PANK3: variants seen among roughly 807,000 people sequenced by gnomAD.
The protein encoded by PANK3 is hPanK3.
In PANK3, 20 loss-of-function variants were observed where a neutral mutation model predicts 39.4. That is an observed-to-expected ratio of 0.51 (90% CI 0.36 to 0.74). The LOEUF is 0.74. Ranked by LOEUF, PANK3 falls within the 30% of genes least tolerant of loss-of-function variation. The pLI, the probability that PANK3 is intolerant of heterozygous loss-of-function variation, is 0.00. For missense variants in PANK3, 265 were observed against 437.0 expected (o/e 0.61, Z 3.51); for synonymous variants, 140 against 157.3 (o/e 0.89, Z 0.82).
In PANK3 at chr5:168,556,841, T is replaced by G. The variant is rs1759356357; in HGVS notation, c.*730A>C. ...AGTCCCAGGACTTCATTAGACAGAC[T>G]CCCAGTAATTAAGCCTCCAATCTTA... On this transcript the variant is annotated 3_prime_UTR_variant, in exon 7 of 7. Transcript: ENST00000239231. The G allele has an allele frequency of 6.6e-6, 1 of 152,616 alleles. No homozygotes were observed. Among genetic ancestry groups the G allele is most frequent in the Admixed American group, 6.5e-5 (1 of 15,270 alleles). 9.5% of individuals were successfully genotyped at this position (152,616 alleles called of 1,614,324 possible). A position where few individuals can be genotyped will look rare whatever the true frequency, so the allele number is the denominator to read the frequency against.
In PANK3 at chr5:168,548,927, T is replaced by C. The variant is rs1322818331; in HGVS notation, c.*8644A>G. On this transcript the variant is annotated 3_prime_UTR_variant, in exon 7 of 7. Transcript: ENST00000239231. ...TAAAGCTTAGACTTGACAAGAATGA[T>C]GTAATAGAATGAGGCAACTGAAACT... 6.6e-6 allele frequency: 1 copy of C among 152,176 alleles called. No homozygotes were observed. The highest frequency in any genetic ancestry group is 1.5e-5 in the Non-Finnish European group (1 of 68,008). The allele number at this position is 152,176 out of a possible 1,614,324, so 9.4% of individuals were successfully genotyped here.
Position 168,550,564 on chromosome 5 carries a change from A to T in PANK3, c.*7007T>A, listed in dbSNP as rs1486776078. Reference sequence around the variant, plus strand: ...TTTCATATTACTTTAAGGTATATCTACCTGGCCATTACAGGCAATCACATA... The same window carrying T: ...TTTCATATTACTTTAAGGTATATCTTCCTGGCCATTACAGGCAATCACATA... On this transcript the variant is annotated 3_prime_UTR_variant, in exon 7 of 7. Transcript: ENST00000239231. The T allele has an allele frequency of 6.6e-6, 1 of 152,220 alleles. No homozygotes were observed. The highest frequency in any genetic ancestry group is 1.5e-5 in the Non-Finnish European group (1 of 68,022). The allele number at this position is 152,220 out of a possible 1,614,324, so 9.4% of individuals were successfully genotyped here.
rs532279784 is a variant in PANK3, at chr5:168,577,006, G to A, written c.28+2250C>T. 7.0e-4 allele frequency among the ~76,000 whole-genome samples: 106 copies of A among 151,950 alleles called. 2 individuals are homozygous for A. The highest frequency in any genetic ancestry group is 2.4e-3 in the African/African-American group (100 of 41,432). On this transcript the variant is annotated intron_variant, in intron 1 of 6. Coordinates refer to ENST00000239231, the MANE Select transcript of PANK3 (RefSeq NM_024594.4). ...GCAATTCTCCTGCCTCAAGCCTCCC[G>A]AACAGCTTGGACTACAGGCGCGTGC...
At chr5:168,559,216 G>A in intron 5 of PANK3, 59 bp from the exon 6 acceptor site, 1 of 1,123,870 alleles carries the variant, frequency 8.9e-7, no homozygotes, top group Non-Finnish European at 1.2e-6. Flanking sequence ...AATATAAAAG[G>A]TTTCTAAATA....
intron 3 of PANK3, 141 bp downstream of exon 3, chr5:168,565,872 T>G (rs865900696): frequency 6.4e-6 from 1 of 155,186 alleles, no homozygotes; most frequent in African/African-American, 3.3e-5. Context: ...AAAAAAAATA[T>G]ATATATATAT....
intron 4 of PANK3, among the ~76,000 whole-genome samples, chr5:168,563,688 A>G (rs913968459): frequency 2.0e-5 from 3 of 152,178 alleles, no homozygotes; most frequent in Non-Finnish European, 2.9e-5. Context: ...TTAAAAAAAA[A>G]AAAGTTTCTT....
At chr5:168,574,141 A>C (rs920999631) in intron 1 of PANK3, among the ~76,000 whole-genome samples, 7 of 150,500 alleles carry the variant, frequency 4.7e-5, no homozygotes, top group South Asian at 4.3e-4. Flanking sequence ...CCAACAGTGT[A>C]AAAGTGTTCC....
In PANK3 at chr5:168,556,142, A is replaced by T. The variant is rs950638142; in HGVS notation, c.*1429T>A. ...AAGGCAGAGGGCTCAACCCCACTCC[A>T]GATTCAGGCAAGGGGAATAGGAAAG... is the stretch of plus-strand genomic sequence containing the variant. On this transcript the variant is annotated 3_prime_UTR_variant, in exon 7 of 7. Transcript: ENST00000239231. 6.6e-6 allele frequency: 1 copy of T among 152,244 alleles called. No individual in the cohort carries two copies. Among genetic ancestry groups the T allele is most frequent in the Non-Finnish European group, 1.5e-5 (1 of 68,056 alleles). 9.4% of individuals were successfully genotyped at this position (152,244 alleles called of 1,614,324 possible).
At chr5:168,574,840 G>A (rs916126002) in intron 1 of PANK3, among the ~76,000 whole-genome samples, 2 of 151,886 alleles carry the variant, frequency 1.3e-5, no homozygotes, top group Admixed American at 6.6e-5. Flanking sequence ...CAGCCTGGGC[G>A]ACAAAAGCGA....
At chr5:168,565,868 A>AAAAATATATATATATATATATATATATAT in intron 3 of PANK3, 145 bp downstream of exon 3, 2 of 131,394 alleles carry the variant, frequency 1.5e-5, no homozygotes, top group African/African-American at 3.6e-5. Flanking sequence ...AAAAAAAAAA[A>AAAAATATATATATATATATATATATATAT]ATATATATAT....
intron 1 of PANK3, among the ~76,000 whole-genome samples, chr5:168,572,425 G>GA: frequency 6.6e-6 from 1 of 152,164 alleles, no homozygotes; most frequent in African/African-American, 2.4e-5. Flanking sequence ...AGTCAGCAAA[G>GA]GGTGGTGGGA....
Position 168,556,330 on chromosome 5 carries a change from G to A in PANK3, c.*1241C>T, listed in dbSNP as rs1447989447. 6.6e-6 allele frequency: 1 copy of A among 152,150 alleles called. No individual in the cohort carries two copies. Among genetic ancestry groups the A allele is most frequent in the Non-Finnish European group, 1.5e-5 (1 of 68,040 alleles). The allele number at this position is 152,150 out of a possible 1,614,324, so 9.4% of individuals were successfully genotyped here. A position where few individuals can be genotyped will look rare whatever the true frequency, so the allele number is the denominator to read the frequency against. On this transcript the variant is annotated 3_prime_UTR_variant, in exon 7 of 7. Coordinates refer to ENST00000239231, the MANE Select transcript of PANK3 (RefSeq NM_024594.4). ...AGGTGGAGAGATTTACTCCTGCCAT[G>A]GATCATATGCATTTCTACCATCAAC...
In PANK3 at chr5:168,554,828, T is replaced by C. The variant is rs923853855; in HGVS notation, c.*2743A>G. ...ACCTGTGGCAAATACTGTATTAGCA[T>C]CTATAGATTTAGGGCAATCTTTAAG... On this transcript the variant is annotated 3_prime_UTR_variant, in exon 7 of 7. Transcript: ENST00000239231. 17 of 152,250 alleles carry C rather than the reference T, an allele frequency of 1.1e-4. No individual in the cohort carries two copies. Among genetic ancestry groups the C allele is most frequent in the African/African-American group, 3.4e-4 (14 of 41,464 alleles). 9.4% of individuals were successfully genotyped at this position (152,250 alleles called of 1,614,324 possible).
In PANK3 at chr5:168,553,946, AACC is replaced by A. The variant is rs1368364579; in HGVS notation, c.*3622_*3624del. 2 of 152,236 alleles carry A rather than the reference AACC, an allele frequency of 1.3e-5. No homozygotes were observed. Among genetic ancestry groups the A allele is most frequent in the African/African-American group, 4.8e-5 (2 of 41,460 alleles). The allele number at this position is 152,236 out of a possible 1,614,324, so 9.4% of individuals were successfully genotyped here. A position where few individuals can be genotyped will look rare whatever the true frequency, so the allele number is the denominator to read the frequency against. On this transcript the variant is annotated 3_prime_UTR_variant, in exon 7 of 7. Coordinates refer to ENST00000239231, the MANE Select transcript of PANK3 (RefSeq NM_024594.4). ...ATTCTATTATGAACAACGGCAACAA[AACC>A]ACGTTTATCCCAAATAAATGTTACA...
At position 168,550,377 on chromosome 5, in the gene PANK3, C is replaced by CTAT. The variant is rs1379376124; in HGVS notation, c.*7191_*7193dup. ...ACAATGGGTCTACTGGAACATAACC[C>CTAT]TATTGTAAGTCAAGGAACATCTGTA... On this transcript the variant is annotated 3_prime_UTR_variant, in exon 7 of 7. Coordinates refer to ENST00000239231, the MANE Select transcript of PANK3 (RefSeq NM_024594.4). 2 of 152,098 alleles carry CTAT rather than the reference C, an allele frequency of 1.3e-5. No homozygotes were observed. The highest frequency in any genetic ancestry group is 4.8e-5 in the African/African-American group (2 of 41,408). The allele number at this position is 152,098 out of a possible 1,614,324, so 9.4% of individuals were successfully genotyped here. A position where few individuals can be genotyped will look rare whatever the true frequency, so the allele number is the denominator to read the frequency against.
chr5:168,571,559 CAA>C (rs1159458026), intron 1 of PANK3, among the ~76,000 whole-genome samples: 6 of 152,152 alleles, frequency 3.9e-5, no homozygotes, highest in African/African-American at 7.2e-5. Context: ...GTTTAATACT[CAA>C]GATACATGGA....
At position 168,551,942 on chromosome 5, in the gene PANK3, A is replaced by G. The variant is rs1759277629; in HGVS notation, c.*5629T>C. On this transcript the variant is annotated 3_prime_UTR_variant, in exon 7 of 7. Coordinates refer to ENST00000239231, the MANE Select transcript of PANK3 (RefSeq NM_024594.4). ...TAGAGTAGCTGAGCAAGGAACTGCC[A>G]TGTCAAATTACATGGCAAGTTTACT... 2 of 152,230 alleles carry G rather than the reference A, an allele frequency of 1.3e-5. No homozygotes were observed. The highest frequency in any genetic ancestry group is 2.1e-4 in the South Asian group (1 of 4,834). The allele number at this position is 152,230 out of a possible 1,614,324, so 9.4% of individuals were successfully genotyped here.
intron 2 of PANK3, among the ~76,000 whole-genome samples, chr5:168,568,127 C>A (rs1296054009): frequency 6.6e-6 from 1 of 151,990 alleles, no homozygotes; most frequent in Non-Finnish European, 1.5e-5. Context: ...TTCAAATCAC[C>A]CCATTTGACA....
chr5:168,570,153 C>A (rs984111529), intron 1 of PANK3, among the ~76,000 whole-genome samples: 1 of 152,082 alleles, frequency 6.6e-6, no homozygotes, highest in African/African-American at 2.4e-5. Flanking sequence ...GAGGCCGAGA[C>A]GGGTGGATCA....
Sources: allele counts gnomAD v4.1 joint callset (sites outside exome capture counted in the v4.1 genomes callset), GRCh38; gene constraint gnomAD v4.1.1; transcripts MANE v1.5; gene names NCBI Gene and HGNC (gene_info 2026-07-23, HGNC 2026-07-21).